PEX14: variants seen among roughly 807,000 people sequenced by gnomAD.
The protein encoded by PEX14 is peroxisomal biogenesis factor 14.
PEX14 carries 15 observed loss-of-function variants against 49.5 expected under a neutral mutation model. That is an observed-to-expected ratio of 0.30 (90% confidence interval 0.20 to 0.47). The LOEUF is 0.47. Ranked by LOEUF, PEX14 falls within the 20% of genes least tolerant of loss-of-function variation. PEX14 has a pLI of 1.00. For missense variants in PEX14, 398 were observed against 494.8 expected, an observed-to-expected ratio of 0.80 and a Z score of 1.86; for synonymous variants, 210 against 212.7, an observed-to-expected ratio of 0.99 and a Z score of 0.11.
chr1:10,549,733 C>T (rs1339157837), intron 3 of PEX14, among the ~76,000 whole-genome samples: 2 of 152,180 alleles, frequency 1.3e-5, no homozygotes, highest in Non-Finnish European at 2.9e-5. Context: ...CCAAAATCCT[C>T]CAATGAGCAT....
At chr1:10,524,263 CA>C (rs1638397054) in intron 2 of PEX14, 1 of 154,238 alleles carries the variant, frequency 6.5e-6, no homozygotes, top group Admixed American at 6.5e-5. Context: ...GAAGCTTGTG[CA>C]AAATTGAGGA....
At chr1:10,585,464 T>G (rs1387283598) in intron 3 of PEX14, among the ~76,000 whole-genome samples, 1 of 152,138 alleles carries the variant, frequency 6.6e-6, no homozygotes, top group East Asian at 1.9e-4. Flanking sequence ...TTAAAAGCAG[T>G]TGGTCAAGAT....
In PEX14 at chr1:10,514,467, G is replaced by C. The variant is rs1641939032; in HGVS notation, c.84+19146G>C. Reference sequence around the variant, plus strand: ...GTCCTGGCAGGAAATTGGTCTATTAGCGATTCACCTTCTTGGTGAGTAGCT... The same window carrying C: ...GTCCTGGCAGGAAATTGGTCTATTACCGATTCACCTTCTTGGTGAGTAGCT... On this transcript the variant is annotated intron_variant, in intron 2 of 8. Transcript: ENST00000356607. This position sits in a 1 kb window ranked among gnomAD's most constrained non-coding sequence, Gnocchi z 4.4. 6.6e-6 allele frequency among the ~76,000 whole-genome samples: 1 copy of C among 152,148 alleles called. No homozygotes were observed. Among genetic ancestry groups the C allele is most frequent in the Non-Finnish European group, 1.5e-5 (1 of 68,034 alleles).
chr1:10,585,707 G>A (rs1640462171), intron 3 of PEX14, among the ~76,000 whole-genome samples: 1 of 152,226 alleles, frequency 6.6e-6, no homozygotes, highest in Admixed American at 6.5e-5. Flanking sequence ...ATCACCTGAG[G>A]TCAGGAGTTC....
chr1:10,520,422 G>T (rs550523922), intron 2 of PEX14, among the ~76,000 whole-genome samples: 4 of 152,224 alleles, frequency 2.6e-5, no homozygotes, highest in South Asian at 4.1e-4. Flanking sequence ...GCCTCCCAGA[G>T]TGCTGGATTA....
chr1:10,579,306 AC>A (rs1461783736), intron 3 of PEX14, among the ~76,000 whole-genome samples: 1 of 152,170 alleles, frequency 6.6e-6, no homozygotes, highest in African/African-American at 2.4e-5. Context: ...ATACCACTAA[AC>A]ATGAAGGAAA....
intron 1 of PEX14, among the ~76,000 whole-genome samples, chr1:10,491,498 G>C (rs1641471730): frequency 6.8e-6 from 1 of 147,844 alleles, no homozygotes; most frequent in African/African-American, 2.6e-5. Flanking sequence ...CTCCTGAGTA[G>C]CTGGGACTAT....
At chr1:10,487,481 C>CTTTTTTTTT (rs33968565) in intron 1 of PEX14, among the ~76,000 whole-genome samples, 447 of 86,736 alleles carry the variant, frequency 5.2e-3, no homozygotes, top group Middle Eastern at 0.014. Flanking sequence ...TTCTTTCTTT[C>CTTTTTTTTT]TTTTTTTTTT....
At chr1:10,504,850 C>A (rs1641752980) in intron 2 of PEX14, among the ~76,000 whole-genome samples, 1 of 151,358 alleles carries the variant, frequency 6.6e-6, no homozygotes, top group Non-Finnish European at 1.5e-5. Context: ...GCAGTGGTGC[C>A]ATCTTGGCTC....
intron 1 of PEX14, among the ~76,000 whole-genome samples, chr1:10,480,457 A>G (rs1641264680): frequency 6.9e-6 from 1 of 144,386 alleles, no homozygotes; most frequent in Non-Finnish European, 1.5e-5. Context: ...ACAGTGGCAC[A>G]ATCTCGGCTC....
chr1:10,512,537 A>G lies in PEX14; in HGVS notation c.84+17216A>G, dbSNP rs1641902063. On this transcript the variant is annotated intron_variant, in intron 2 of 8. Coordinates refer to ENST00000356607, the MANE Select transcript of PEX14 (RefSeq NM_004565.3). This position sits in a 1 kb window ranked among gnomAD's most constrained non-coding sequence, Gnocchi z 4.6. The stretch of plus-strand genomic sequence containing the variant: ...CATTAACTTCAGGGGTGTTGGTTGG[A>G]AACCTGCACTGGCGTCGGTGGTTAT... 6.6e-6 allele frequency among the ~76,000 whole-genome samples: 1 copy of G among 152,166 alleles called. No individual in the cohort carries two copies. Among genetic ancestry groups the G allele is most frequent in the Non-Finnish European group, 1.5e-5 (1 of 68,030 alleles).
chr1:10,489,057 C>T (rs1004369273), intron 1 of PEX14, among the ~76,000 whole-genome samples: 4 of 151,766 alleles, frequency 2.6e-5, no homozygotes, highest in Non-Finnish European at 5.9e-5. Context: ...CTCGGCTCAC[C>T]GCAACCCCCG....
intron 3 of PEX14, among the ~76,000 whole-genome samples, chr1:10,540,080 A>G: frequency 6.6e-6 from 1 of 152,160 alleles, no homozygotes; most frequent in East Asian, 1.9e-4. Context: ...GGCAAATGAA[A>G]CAAATAAAAC....
chr1:10,584,506 G>A (rs1640423032), intron 3 of PEX14, among the ~76,000 whole-genome samples: 1 of 152,208 alleles, frequency 6.6e-6, no homozygotes, highest in Admixed American at 6.5e-5. Context: ...TATTTAAGGG[G>A]TAGGGTGTGA....
intron 3 of PEX14, among the ~76,000 whole-genome samples, chr1:10,590,230 A>G (rs970034328): frequency 6.6e-6 from 1 of 152,152 alleles, no homozygotes; most frequent in Non-Finnish European, 1.5e-5. Context: ...CCTGCAAACA[A>G]AACCGTGAGC....
intron 2 of PEX14, among the ~76,000 whole-genome samples, chr1:10,513,433 A>G (rs1392658256): frequency 6.6e-6 from 1 of 152,194 alleles, no homozygotes; most frequent in African/African-American, 2.4e-5. Context: ...GTTCCAGCCG[A>G]CAGCTTGAAC....
At chr1:10,480,046 T>C (rs1435278959) in intron 1 of PEX14, among the ~76,000 whole-genome samples, 1 of 152,044 alleles carries the variant, frequency 6.6e-6, no homozygotes, top group African/African-American at 2.4e-5. Flanking sequence ...ATAATTACCC[T>C]TTTAGTGTTG....
At chr1:10,532,060 T>G (rs1388702669) in intron 2 of PEX14, among the ~76,000 whole-genome samples, 1 of 152,190 alleles carries the variant, frequency 6.6e-6, no homozygotes, top group African/African-American at 2.4e-5. Context: ...AACCCCTGAG[T>G]ATACTGTATT....
In PEX14 at chr1:10,618,413, A is replaced by G; in HGVS notation, c.380A>G (p.Tyr127Cys). ...ATTGCATTTGGCTTTCACCAGCTCT[A>G]CAAGGTGAGTCACCCCCAGCGGCTG... is the stretch of plus-strand genomic sequence containing the variant. Reference protein sequence around the residue: ...AGIAFGFHQLYKKYLLPLILG... With the variant: ...AGIAFGFHQLCKKYLLPLILG... The change falls in exon 5 of 9, where the codon TAC becomes TGC. Residue 127 changes from tyrosine (Y) to cysteine (C), a missense_variant. Physicochemically the swap from Tyr to Cys is radical, Grantham distance 194. Around this residue, in one of 3 missense-constraint regions of PEX14, gnomAD observed 202 missense variants for 298.5 expected, o/e 0.68. Transcript: ENST00000356607. 6.2e-7 allele frequency: 1 copy of G among 1,612,348 alleles called. No individual in the cohort carries two copies. The highest frequency in any genetic ancestry group is 8.5e-7 in the Non-Finnish European group (1 of 1,178,904).
Sources: gnomAD v4.1 joint callset for allele counts (sites outside exome capture counted in the v4.1 genomes callset) on GRCh38, gnomAD v4.1.1 for gene constraint, gnomAD v4.1.1 regional missense constraint, Gnocchi (gnomAD v3.1) non-coding constraint, MANE v1.5 for transcripts, NCBI Gene and HGNC (gene_info 2026-07-23, HGNC 2026-07-21) for gene names.